Variants in SOD2 observed in about 807,000 individuals in gnomAD.
SOD2 encodes the protein superoxide dismutase [Mn], mitochondrial.
A neutral mutation model predicts 27.0 loss-of-function variants in SOD2; 11 were observed. That is an observed-to-expected ratio of 0.41 (90% CI 0.26 to 0.67). The LOEUF (loss-of-function observed/expected upper bound fraction) is 0.67. Among genes scored for constraint, SOD2 ranks in the 30% least tolerant of loss-of-function variants. The pLI, the probability that SOD2 is intolerant of heterozygous loss-of-function variation, is 0.34. For missense variants in SOD2, 250 were observed against 274.5 expected (o/e 0.91, Z 0.63); for synonymous variants, 105 against 103.0 (o/e 1.02, Z -0.12).
At chr6:159,708,398 G>T (rs957961810) in intron 1 of SOD2, among the ~76,000 whole-genome samples, 1 of 152,214 alleles carries the variant, frequency 6.6e-6, no homozygotes, top group African/African-American at 2.4e-5. Context: ...ATCTCCTTAA[G>T]CTGATAAGCA....
At chr6:159,717,797 G>A (rs1777948234) in intron 1 of SOD2, among the ~76,000 whole-genome samples, 1 of 151,842 alleles carries the variant, frequency 6.6e-6, no homozygotes, top group Admixed American at 6.6e-5. Flanking sequence ...TCACCTATCA[G>A]TGAGAACATG....
intron 1 of SOD2, chr6:159,739,151 T>G (rs949795877): frequency 4.5e-6 from 4 of 896,002 alleles, no homozygotes; most frequent in Non-Finnish European, 6.7e-6. Context: ...TGTTGTTCTA[T>G]CCTCAAATAA....
chr6:159,702,883 T>C (rs1055569118), intron 1 of SOD2, among the ~76,000 whole-genome samples: 4 of 139,906 alleles, frequency 2.9e-5, no homozygotes, highest in Non-Finnish European at 6.2e-5. Context: ...AAGCCAGGTG[T>C]TGTGGTATTT....
chr6:159,716,781 T>TCA (rs1190882723), intron 1 of SOD2, among the ~76,000 whole-genome samples: 1 of 152,128 alleles, frequency 6.6e-6, no homozygotes, highest in African/African-American at 2.4e-5. Flanking sequence ...AAGATACTTT[T>TCA]CACACACACA....
chr6:159,711,703 AC>A lies in SOD2; in HGVS notation c.-116+15425del, dbSNP rs374071204. On this transcript the variant is annotated intron_variant, in intron 1 of 2. Transcript: ENST00000401980. ...ATAACCACCTCCATAACCACCACTC[AC>A]ACTGCTCTGATCACCATAACCACCT... Among the ~76,000 whole-genome samples the A allele has an allele frequency of 1.8e-4, 19 of 106,000 alleles. 1 individual carries two copies. The highest frequency in any genetic ancestry group is 1.1e-3 in the East Asian group (3 of 2,780). 69.5% of individuals were successfully genotyped at this position (106,000 alleles called of 152,430 possible).
chr6:159,719,128 G>C (rs1385023932), intron 1 of SOD2, among the ~76,000 whole-genome samples: 1 of 152,006 alleles, frequency 6.6e-6, no homozygotes, highest in Non-Finnish European at 1.5e-5. Flanking sequence ...TGAGGCCCTT[G>C]GAAGGGGATT....
chr6:159,755,727 T>G (rs1779978399), intron 1 of SOD2: 11 of 1,250,428 alleles, frequency 8.8e-6, no homozygotes, highest in Admixed American at 3.8e-5. Flanking sequence ...GTTTTGGTTT[T>G]TTTTTGTTGT....
intron 1 of SOD2, among the ~76,000 whole-genome samples, chr6:159,756,892 C>T (rs757877529): frequency 1.7e-4 from 26 of 152,120 alleles, no homozygotes; most frequent in Non-Finnish European, 2.2e-4. Context: ...GAGTGAGCTA[C>T]AGCTCCTGGC....
chr6:159,720,073 C>T (rs1674028775), intron 1 of SOD2, among the ~76,000 whole-genome samples: 1 of 150,812 alleles, frequency 6.6e-6, no homozygotes, highest in African/African-American at 2.4e-5. Flanking sequence ...CTCCGTCTCC[C>T]AGGCTGGAGT....
intron 1 of SOD2, among the ~76,000 whole-genome samples, chr6:159,704,272 G>C (rs1777579086): frequency 6.6e-6 from 1 of 152,206 alleles, no homozygotes; most frequent in Non-Finnish European, 1.5e-5. Context: ...TTGTCAGACA[G>C]TGGGTGGAGG....
chr6:159,753,657 A>C (rs529350002), intron 1 of SOD2: 1 of 1,564,418 alleles, frequency 6.4e-7, no homozygotes, highest in Admixed American at 1.9e-5. Flanking sequence ...TCAACTTTGC[A>C]TTGGCTTTTT....
upstream of SOD2, chr6:159,749,268 T>C: frequency 1.0e-6 from 1 of 985,874 alleles, no homozygotes; most frequent in African/African-American, 1.7e-5. Context: ...CTGCATTATT[T>C]TTTTTAGTGA....
chr6:159,680,998 A>G lies in SOD2; in HGVS notation c.*1495T>C, dbSNP rs925852537. ...AAATATTCCAATAGGAGATAAACCT[A>G]TGTACACAGAGTTGCTCACCCCAGC... On this transcript the variant is annotated 3_prime_UTR_variant, in exon 5 of 5. Transcript: ENST00000538183. 2 of 152,114 alleles carry G rather than the reference A, an allele frequency of 1.3e-5. No homozygotes were observed. Among genetic ancestry groups the G allele is most frequent in the East Asian group, 1.9e-4 (1 of 5,204 alleles). The allele number at this position is 152,114 out of a possible 1,614,324, so 9.4% of individuals were successfully genotyped here. A position where few individuals can be genotyped will look rare whatever the true frequency, so the allele number is the denominator to read the frequency against.
At chr6:159,727,038 C>A (rs1035960474) in intron 1 of SOD2, 2 of 1,226,404 alleles carry the variant, frequency 1.6e-6, no homozygotes, top group African/African-American at 3.1e-5. Flanking sequence ...CAGGTGGCCC[C>A]GGCGAGTACT....
chr6:159,727,877 C>A (rs900921597), upstream of SOD2, among the ~76,000 whole-genome samples: 1 of 152,238 alleles, frequency 6.6e-6, no homozygotes. Context: ...GGGAACACTT[C>A]CGCCGCTTCG....
intron 1 of SOD2, among the ~76,000 whole-genome samples, chr6:159,700,236 T>G (rs2114806345): frequency 6.6e-6 from 1 of 152,328 alleles, no homozygotes; most frequent in South Asian, 2.1e-4. Context: ...TCCAGGTGTC[T>G]TTAAATGCCA....
rs1582996948 is a variant in SOD2, at chr6:159,678,126, T to C, written c.*4367A>G. ...CCAAAGGGTCGGGGTCCAGATGAGC[T>C]TCTGGGTAGCTGATGACGTGGAGAG... On this transcript the variant is annotated 3_prime_UTR_variant, in exon 5 of 5. Transcript: ENST00000538183. The C allele has an allele frequency of 6.6e-6, 1 of 152,306 alleles. No individual in the cohort carries two copies. The highest frequency in any genetic ancestry group is 1.9e-4 in the East Asian group (1 of 5,184). 9.4% of individuals were successfully genotyped at this position (152,306 alleles called of 1,614,324 possible). A position where few individuals can be genotyped will look rare whatever the true frequency, so the allele number is the denominator to read the frequency against.
chr6:159,712,672 CACCTCCATAACCACGACTCAGCTGCTCTG>C, intron 1 of SOD2: 1 of 354,402 alleles, frequency 2.8e-6, no homozygotes, highest in South Asian at 2.5e-5. Flanking sequence ...TCACCCTAAC[CACCTCCATAACCACGACTCAGCTGCTCTG>C]ACCTCCATAA....
chr6:159,755,505 C>G (rs1428205610), intron 1 of SOD2: 2 of 1,614,026 alleles, frequency 1.2e-6, no homozygotes, highest in Admixed American at 1.7e-5. Flanking sequence ...AGTCATGACC[C>G]TCAAGAGGAG....
Sources: gnomAD v4.1 joint callset for allele counts (sites outside exome capture counted in the v4.1 genomes callset) on GRCh38, gnomAD v4.1.1 for gene constraint, MANE v1.5 for transcripts, NCBI Gene and HGNC (gene_info 2026-07-23, HGNC 2026-07-21) for gene names.